The following SPTLC3 variants were observed in gnomAD, a reference collection of about 807,000 sequenced individuals.
SPTLC3 encodes serine palmitoyltransferase 3.
SPTLC3 carries 36 observed loss-of-function variants against 59.3 expected under a neutral mutation model. The observed-to-expected ratio is 0.61, with a 90% confidence interval of 0.47 to 0.80. The LOEUF is 0.80. Among genes scored for constraint, SPTLC3 ranks in the 30% least tolerant of loss-of-function variants. The pLI is 0.00. For synonymous variants in SPTLC3, 257 were observed against 240.8 expected, an observed-to-expected ratio of 1.07 and a Z score of -0.62; for missense variants, 625 against 685.1, an observed-to-expected ratio of 0.91 and a Z score of 0.98.
intron 7 of SPTLC3, 99 bp from the exon 8 acceptor site, chr20:13,117,407 T>C (rs1600310157): frequency 7.1e-6 from 8 of 1,127,352 alleles, no homozygotes; most frequent in Admixed American, 2.6e-5. Flanking sequence ...AGGAATGGCG[T>C]GTGTCAGGGA....
At chr20:13,159,010 CAGT>C (rs1406174292) in intron 10 of SPTLC3, among the ~76,000 whole-genome samples, 2 of 152,166 alleles carry the variant, frequency 1.3e-5, no homozygotes, top group African/African-American at 4.8e-5. Context: ...TAAAGTCACT[CAGT>C]AGTTAAGTTT....
chr20:13,142,592 A>G (rs2038410585), intron 9 of SPTLC3, among the ~76,000 whole-genome samples: 1 of 152,182 alleles, frequency 6.6e-6, no homozygotes, highest in Non-Finnish European at 1.5e-5. Context: ...ACGAATTACC[A>G]CAAACTTAGT....
chr20:13,014,440 T>C (rs1226500074), intron 1 of SPTLC3, among the ~76,000 whole-genome samples: 1 of 152,104 alleles, frequency 6.6e-6, no homozygotes, highest in African/African-American at 2.4e-5. Flanking sequence ...GAAAGGCTGT[T>C]AGAAGGATAT....
chr20:13,097,916 A>T (rs913928522), intron 6 of SPTLC3, among the ~76,000 whole-genome samples: 1 of 152,196 alleles, frequency 6.6e-6, no homozygotes, highest in African/African-American at 2.4e-5. Context: ...GGAAATTACT[A>T]GGCCAGTTTG....
At chr20:13,038,227 TC>T (rs1986823521) in intron 1 of SPTLC3, among the ~76,000 whole-genome samples, 1 of 152,098 alleles carries the variant, frequency 6.6e-6, no homozygotes, top group Admixed American at 6.6e-5. Flanking sequence ...AAGTGTTTTT[TC>T]CTTCTGAATA....
Position 13,164,843 on chromosome 20 carries a change from G to T in SPTLC3, c.1635G>T (p.Glu545Asp). The change falls in exon 12 of 12, where the codon GAG (glutamate) becomes GAT (aspartate). Residue 545 changes from glutamate to aspartate, a missense_variant. Physicochemically the swap from Glu to Asp is conservative, Grantham distance 45. Coordinates refer to ENST00000399002, the MANE Select transcript of SPTLC3 (RefSeq NM_018327.4). ...CAGCACGTCCTGAGCTCTATGATGA[G>T]ACGAGCTTTGAACTCGAAGATTAAG... is the stretch of plus-strand genomic sequence containing the variant. ...KKSARPELYD[E>D]TSFELED 6.2e-7 allele frequency: 1 copy of T among 1,613,464 alleles called. No homozygotes were observed. The highest frequency in any genetic ancestry group is 8.5e-7 in the Non-Finnish European group (1 of 1,179,696).
chr20:13,148,058 C>T (rs1182159841), intron 9 of SPTLC3, among the ~76,000 whole-genome samples: 1 of 152,150 alleles, frequency 6.6e-6, no homozygotes, highest in African/African-American at 2.4e-5. Context: ...AATGGTTTAA[C>T]AGAGAAGAAA....
chr20:13,133,563 G>C (rs1399305814), intron 9 of SPTLC3, among the ~76,000 whole-genome samples: 1 of 151,978 alleles, frequency 6.6e-6, no homozygotes, highest in Non-Finnish European at 1.5e-5. Context: ...GCAAAACCCC[G>C]TCTCTACTAA....
At chr20:13,091,313 G>T in intron 5 of SPTLC3, 106 bp downstream of exon 5, 2 of 1,414,280 alleles carry the variant, frequency 1.4e-6, no homozygotes, top group Non-Finnish European at 1.9e-6. Context: ...GGTGGTTCAC[G>T]CCTGTAATCC....
chr20:13,125,853 G>A lies in SPTLC3; in HGVS notation c.1153-738G>A, dbSNP rs145590771. On this transcript the variant is annotated intron_variant, in intron 8 of 11. Coordinates refer to ENST00000399002, the MANE Select transcript of SPTLC3 (RefSeq NM_018327.4). Reference sequence around the variant, plus strand: ...CAAAGAAAATCACAAGGCCAGCCCAGATTAATCCGCCTTTTGATGGAAGCA... The same window carrying A: ...CAAAGAAAATCACAAGGCCAGCCCAAATTAATCCGCCTTTTGATGGAAGCA... 7.3e-4 allele frequency among the ~76,000 whole-genome samples: 111 copies of A among 152,352 alleles called. 1 individual carries two copies. In the East Asian group the frequency reaches 0.014, roughly 19 times the overall value.
chr20:13,100,365 C>T (rs1033803418), intron 6 of SPTLC3, among the ~76,000 whole-genome samples: 8 of 152,126 alleles, frequency 5.3e-5, no homozygotes, highest in African/African-American at 1.9e-4. Context: ...AAAATCAGAA[C>T]ACCGAAAGTC....
At position 13,101,791 on chromosome 20, in the gene SPTLC3, C is replaced by A. The variant is rs147888689; in HGVS notation, c.826+8214C>A. 5.5e-3 allele frequency among the ~76,000 whole-genome samples: 840 copies of A among 152,200 alleles called. 5 individuals carry two copies. Among genetic ancestry groups the A allele is most frequent in the Middle Eastern group, 0.02 (6 of 294 alleles). ...CTGAGTGAGCAGGTCTGGGTGGGGG[C>A]CTGAGATCCTGCATTCTGACAAGCT... is the stretch of plus-strand genomic sequence containing the variant. On this transcript the variant is annotated intron_variant, in intron 6 of 11. Coordinates refer to ENST00000399002, the MANE Select transcript of SPTLC3 (RefSeq NM_018327.4).
chr20:13,148,417 CA>C (rs1716527703), intron 9 of SPTLC3, among the ~76,000 whole-genome samples: 1 of 152,154 alleles, frequency 6.6e-6, no homozygotes, highest in South Asian at 2.1e-4. Flanking sequence ...TAACCACCCT[CA>C]GGGGTGGGGT....
intron 3 of SPTLC3, among the ~76,000 whole-genome samples, chr20:13,072,963 A>G (rs1988501248): frequency 6.6e-6 from 1 of 152,258 alleles, no homozygotes; most frequent in South Asian, 2.1e-4. Context: ...ATTTTGGAGT[A>G]CATGTAATAA....
chr20:13,126,813 T>C (rs902381838), intron 9 of SPTLC3, 96 bp downstream of exon 9: 2 of 1,447,480 alleles, frequency 1.4e-6, no homozygotes, highest in East Asian at 2.4e-5. Context: ...CTTTATCTTA[T>C]AGAACCCTAT....
At chr20:13,023,265 G>GCA (rs34054687) in intron 1 of SPTLC3, among the ~76,000 whole-genome samples, 3,233 of 145,106 alleles carry the variant, frequency 0.022, 57 homozygotes, top group Middle Eastern at 0.075. Flanking sequence ...CTGCACATGT[G>GCA]CACACACACA....
chr20:13,070,171 G>A (rs1988383922), intron 2 of SPTLC3, among the ~76,000 whole-genome samples: 1 of 152,044 alleles, frequency 6.6e-6, no homozygotes, highest in Non-Finnish European at 1.5e-5. Flanking sequence ...TCAGAAACTT[G>A]GAGCTTTAAA....
chr20:13,016,684 A>G (rs1332654037), intron 1 of SPTLC3, among the ~76,000 whole-genome samples: 1 of 152,210 alleles, frequency 6.6e-6, no homozygotes, highest in Non-Finnish European at 1.5e-5. Flanking sequence ...AGGTATCAAT[A>G]ATATACTTTT....
At chr20:13,051,379 G>C (rs931017345) in intron 2 of SPTLC3, among the ~76,000 whole-genome samples, 1 of 152,198 alleles carries the variant, frequency 6.6e-6, no homozygotes, top group African/African-American at 2.4e-5. Context: ...TGTCCAACAG[G>C]AAAATATCAC....
Sources: allele counts gnomAD v4.1 joint callset (sites outside exome capture counted in the v4.1 genomes callset), GRCh38; gene constraint gnomAD v4.1.1; transcripts MANE v1.5; gene names NCBI Gene and HGNC (gene_info 2026-07-23, HGNC 2026-07-21).